CFAP20DC: variants seen among roughly 807,000 people sequenced by gnomAD.
CFAP20DC encodes protein CFAP20DC.
CFAP20DC carries 84 observed loss-of-function variants against 101.7 expected under a neutral mutation model. The ratio of observed to expected loss-of-function variants is 0.83; its 90% confidence interval spans 0.69 to 0.99. The LOEUF is 0.99. CFAP20DC is among the 50% of genes least tolerant of loss of function. CFAP20DC has a pLI of 0.00. For missense variants in CFAP20DC, 1,007 were observed against 970.3 expected, an observed-to-expected ratio of 1.04 and a Z score of -0.50; for synonymous variants, 359 against 351.2, an observed-to-expected ratio of 1.02 and a Z score of -0.25.
chr3:58,758,030 G>A (rs553320978), intron 15 of CFAP20DC, among the ~76,000 whole-genome samples: 14 of 152,222 alleles, frequency 9.2e-5, no homozygotes, highest in South Asian at 8.3e-4. Context: ...GCTGGAGTAT[G>A]CAGCATTGCC....
chr3:58,782,622 T>C (rs945315467), intron 15 of CFAP20DC, among the ~76,000 whole-genome samples: 2 of 152,074 alleles, frequency 1.3e-5, no homozygotes, highest in Non-Finnish European at 2.9e-5. Context: ...ATCATTTCTA[T>C]ACACCAATAA....
chr3:59,028,460 G>T (rs930125094), intron 4 of CFAP20DC, among the ~76,000 whole-genome samples: 1 of 152,150 alleles, frequency 6.6e-6, no homozygotes, highest in South Asian at 2.1e-4. Context: ...CTTATGAGAA[G>T]CCTCTTGAGA....
intron 15 of CFAP20DC, among the ~76,000 whole-genome samples, chr3:58,784,757 C>T (rs916558399): frequency 6.6e-6 from 1 of 152,040 alleles, no homozygotes; most frequent in Non-Finnish European, 1.5e-5. Context: ...TTTCCACAGT[C>T]GCTGAACTAA....
At chr3:58,751,164 A>G (rs2068537399) in intron 16 of CFAP20DC, among the ~76,000 whole-genome samples, 1 of 152,202 alleles carries the variant, frequency 6.6e-6, no homozygotes. Context: ...CAGGGCACCA[A>G]GGATCCAGGA....
intron 4 of CFAP20DC, among the ~76,000 whole-genome samples, chr3:58,972,208 C>T (rs1367643445): frequency 6.6e-6 from 1 of 152,112 alleles, no homozygotes; most frequent in East Asian, 1.9e-4. Flanking sequence ...GGGCGTTCTG[C>T]TAGGCTCATA....
rs1232174613 is a variant in CFAP20DC at position 58,795,991 on chromosome 3, G to A, written c.2237+10404C>T. Reference sequence around the variant, plus strand: ...TGCTCAGGCAGGCGGGTCCAGACACGAACATGGAGAGAGTGAAGACAAATA... The same window carrying A: ...TGCTCAGGCAGGCGGGTCCAGACACAAACATGGAGAGAGTGAAGACAAATA... On this transcript the variant is annotated intron_variant, in intron 15 of 16. Transcript: ENST00000482387. The surrounding 1 kb of genome is among the most constrained non-coding windows in gnomAD (Gnocchi z 4.2). Among the ~76,000 whole-genome samples the A allele has an allele frequency of 6.6e-6, 1 of 152,118 alleles. No homozygotes were observed. Among genetic ancestry groups the A allele is most frequent in the Non-Finnish European group, 1.5e-5 (1 of 68,030 alleles).
At chr3:58,911,470 G>A (rs568238797) in intron 6 of CFAP20DC, among the ~76,000 whole-genome samples, 1 of 152,104 alleles carries the variant, frequency 6.6e-6, no homozygotes, top group Non-Finnish European at 1.5e-5. Flanking sequence ...ATTGGGAGGA[G>A]ACATAAGCAG....
intron 16 of CFAP20DC, among the ~76,000 whole-genome samples, chr3:58,748,354 T>C (rs1451392346): frequency 1.3e-5 from 2 of 152,106 alleles, no homozygotes; most frequent in Non-Finnish European, 2.9e-5. Context: ...CCTTCTGGGT[T>C]GCACGTGGTG....
chr3:58,894,722 CTG>C lies in CFAP20DC; in HGVS notation c.551-10015_551-10014del, dbSNP rs2082531493. ...ACTAGATGGTGCCCCAGTAGGGAGT[CTG>C]TGTGGTGGCTCCAATCCCACATTTC... is the stretch of plus-strand genomic sequence containing the variant. On this transcript the variant is annotated intron_variant, in intron 6 of 16. Coordinates refer to ENST00000482387, the MANE Select transcript of CFAP20DC (RefSeq NM_001394063.1). This position sits in a 1 kb window ranked among gnomAD's most constrained non-coding sequence, Gnocchi z 4.1. Among the ~76,000 whole-genome samples the C allele has an allele frequency of 6.6e-6, 1 of 152,338 alleles. No homozygotes were observed. The highest frequency in any genetic ancestry group is 2.4e-5 in the African/African-American group (1 of 41,588).
Position 58,849,375 on chromosome 3 carries a change from G to GT in CFAP20DC, c.1627dup (p.Thr543AsnfsTer25). The GT allele has an allele frequency of 6.5e-7, 1 of 1,535,186 alleles. No individual in the cohort carries two copies. Among genetic ancestry groups the GT allele is most frequent in the Non-Finnish European group, 8.7e-7 (1 of 1,146,334 alleles). On this transcript the variant is annotated frameshift_variant, in exon 13 of 17. Coordinates refer to ENST00000482387, the MANE Select transcript of CFAP20DC (RefSeq NM_001394063.1). LOFTEE classifies it high-confidence loss of function. ...CTGAGTTAACTCTGAAGGACCAGTT[G>GT]TTGGGCCTCGAGAACCCTGGATACT... is the stretch of plus-strand genomic sequence containing the variant.
chr3:58,994,981 G>C (rs1041470148), intron 4 of CFAP20DC, among the ~76,000 whole-genome samples: 1 of 152,132 alleles, frequency 6.6e-6, no homozygotes, highest in African/African-American at 2.4e-5. Context: ...CAACAAGTCT[G>C]AAAAAATAAT....
At chr3:58,844,765 A>T (rs2077469594) in intron 13 of CFAP20DC, among the ~76,000 whole-genome samples, 1 of 134,616 alleles carries the variant, frequency 7.4e-6, no homozygotes, top group South Asian at 2.4e-4. Flanking sequence ...CTGGGAAGTA[A>T]AGCTCTCCTC....
At chr3:58,847,881 A>G (rs2077828566) in intron 13 of CFAP20DC, among the ~76,000 whole-genome samples, 1 of 118,864 alleles carries the variant, frequency 8.4e-6, no homozygotes, top group Non-Finnish European at 1.7e-5. Context: ...CATGGATGAA[A>G]TTGGAAATCA....
chr3:58,757,142 C>G (rs1034067551), intron 15 of CFAP20DC, among the ~76,000 whole-genome samples: 8 of 152,026 alleles, frequency 5.3e-5, no homozygotes, highest in African/African-American at 1.7e-4. Context: ...TTGGCAAATT[C>G]TCTTCACAAG....
At chr3:58,870,135 A>G in intron 8 of CFAP20DC, 38 bp downstream of exon 8, 1 of 1,578,378 alleles carries the variant, frequency 6.3e-7, no homozygotes, top group South Asian at 1.1e-5. Flanking sequence ...TTACCAGGTC[A>G]CTTGTGCTTA....
At chr3:58,900,724 C>T (rs373322925) in intron 6 of CFAP20DC, among the ~76,000 whole-genome samples, 22 of 152,188 alleles carry the variant, frequency 1.4e-4, no homozygotes, top group African/African-American at 5.1e-4. Flanking sequence ...CAAGCACAAC[C>T]AGATGGTGGG....
At position 58,956,415 on chromosome 3, in the gene CFAP20DC, G is replaced by T. The variant is rs1478444930; in HGVS notation, c.279-18653C>A. On this transcript the variant is annotated intron_variant, in intron 4 of 16. Coordinates refer to ENST00000482387, the MANE Select transcript of CFAP20DC (RefSeq NM_001394063.1). ...TAGCAGTACTCCCAGTGGGCATGAG[G>T]TGGCTGTAGCCACAGGGCAAGACAC... 2.6e-5 allele frequency among the ~76,000 whole-genome samples: 4 copies of T among 152,206 alleles called. No homozygotes were observed. The East Asian group carries it at 5.9e-4, about 22-fold the overall frequency.
At chr3:58,890,118 A>G (rs1277781694) in intron 6 of CFAP20DC, among the ~76,000 whole-genome samples, 7 of 149,772 alleles carry the variant, frequency 4.7e-5, no homozygotes, top group African/African-American at 1.5e-4. Flanking sequence ...TTCACTTCCC[A>G]GTAGGGGCGG....
At chr3:58,853,546 G>T (rs2078457357) in intron 12 of CFAP20DC, among the ~76,000 whole-genome samples, 1 of 151,958 alleles carries the variant, frequency 6.6e-6, no homozygotes, top group African/African-American at 2.4e-5. Context: ...GAGAATTTTA[G>T]ACCAATATCC....
Sources: allele counts gnomAD v4.1 joint callset (sites outside exome capture counted in the v4.1 genomes callset), GRCh38; gene constraint gnomAD v4.1.1; non-coding constraint Gnocchi (gnomAD v3.1); transcripts MANE v1.5; gene names NCBI Gene and HGNC (gene_info 2026-07-23, HGNC 2026-07-21).